The following SIPA1L1 variants were observed in gnomAD, a reference collection of about 807,000 sequenced individuals.
SIPA1L1 encodes signal induced proliferation associated 1 like 1, also known as signal-induced proliferation-associated 1-like protein 1.
In SIPA1L1, 26 loss-of-function variants were observed where a neutral mutation model predicts 162.7. The ratio of observed to expected loss-of-function variants is 0.16; its 90% CI spans 0.12 to 0.22. SIPA1L1 has a LOEUF of 0.22. Among genes scored for constraint, SIPA1L1 ranks in the 10% least tolerant of loss-of-function variants. SIPA1L1 has a pLI of 1.00. For synonymous variants in SIPA1L1, 829 were observed against 837.4 expected, an observed-to-expected ratio of 0.99 and a Z score of 0.17; for missense variants, 1,874 against 2,241.0, an observed-to-expected ratio of 0.84 and a Z score of 3.31.
At chr14:71,631,811 C>T (rs1238465694) in intron 7 of SIPA1L1, among the ~76,000 whole-genome samples, 2 of 152,094 alleles carry the variant, frequency 1.3e-5, no homozygotes, top group Non-Finnish European at 2.9e-5. Context: ...CATTTTCTAA[C>T]TGGCATTTTT....
intron 5 of SIPA1L1, among the ~76,000 whole-genome samples, chr14:71,599,535 T>A (rs1383602652): frequency 6.6e-6 from 1 of 151,922 alleles, no homozygotes; most frequent in African/African-American, 2.4e-5. Context: ...CATTCATTCA[T>A]TGATGGACAT....
At chr14:71,632,595 G>A (rs1333757735) in intron 7 of SIPA1L1, among the ~76,000 whole-genome samples, 1 of 152,206 alleles carries the variant, frequency 6.6e-6, no homozygotes, top group African/African-American at 2.4e-5. Flanking sequence ...CCCACTGTGT[G>A]GCATCAGAAG....
At chr14:71,640,570 G>A (rs1002334713) in intron 7 of SIPA1L1, among the ~76,000 whole-genome samples, 41 of 152,292 alleles carry the variant, frequency 2.7e-4, no homozygotes, top group African/African-American at 9.1e-4. Flanking sequence ...GTTACAAATT[G>A]AATTCAAGGC....
At chr14:71,537,499 C>G (rs1443408637) in intron 4 of SIPA1L1, among the ~76,000 whole-genome samples, 1 of 152,230 alleles carries the variant, frequency 6.6e-6, no homozygotes, top group Non-Finnish European at 1.5e-5. Context: ...GCCACCAATC[C>G]TGGCTAAGTT....
intron 2 of SIPA1L1, among the ~76,000 whole-genome samples, chr14:71,470,299 CAAA>C (rs2047351814): frequency 6.6e-6 from 1 of 152,132 alleles, no homozygotes; most frequent in Non-Finnish European, 1.5e-5. Flanking sequence ...AAGAAAGAAG[CAAA>C]GTTAGCAGCA....
intron 2 of SIPA1L1, among the ~76,000 whole-genome samples, chr14:71,384,091 A>C (rs2040127188): frequency 6.6e-6 from 1 of 152,106 alleles, no homozygotes; most frequent in African/African-American, 2.4e-5. Flanking sequence ...TTTCTCAGCC[A>C]GACTGCGAAT....
At chr14:71,526,351 T>A (rs927389794) in intron 3 of SIPA1L1, among the ~76,000 whole-genome samples, 35 of 152,192 alleles carry the variant, frequency 2.3e-4, no homozygotes, top group Non-Finnish European at 2.1e-4. Flanking sequence ...CCAGTCTGTA[T>A]TTTCCCCTAC....
At chr14:71,518,566 A>G (rs1430489635) in intron 3 of SIPA1L1, among the ~76,000 whole-genome samples, 1 of 152,162 alleles carries the variant, frequency 6.6e-6, no homozygotes, top group Non-Finnish European at 1.5e-5. Flanking sequence ...AACTTCACAT[A>G]TAGTCAGCTT....
chr14:71,704,960 G>A (rs1010707017), intron 15 of SIPA1L1: 14 of 627,634 alleles, frequency 2.2e-5, no homozygotes, highest in African/African-American at 1.8e-4. Flanking sequence ...TTGCTGCGTT[G>A]TTCATGGCCT....
intron 2 of SIPA1L1, among the ~76,000 whole-genome samples, chr14:71,344,639 A>C (rs571226868): frequency 9.2e-5 from 14 of 152,286 alleles, no homozygotes; most frequent in African/African-American, 3.4e-4. Flanking sequence ...GGCTCACTGC[A>C]ACCGCTGCCT....
rs535987031 is a variant in SIPA1L1, at chr14:71,676,839, G to T, written c.3104+4217G>T. 5.9e-5 allele frequency among the ~76,000 whole-genome samples: 9 copies of T among 152,148 alleles called. No homozygotes were observed. In the South Asian group the frequency reaches 1.7e-3, roughly 28 times the overall value. ...TTTTACGGCTGCATAGTATTCCATG[G>T]TGTACATGTGCCACATTTTCTTAAT... On this transcript the variant is annotated intron_variant, in intron 12 of 23. Coordinates refer to ENST00000381232, the MANE Select transcript of SIPA1L1 (RefSeq NM_001386936.1).
At chr14:71,629,640 T>G (rs1245822744) in intron 7 of SIPA1L1, among the ~76,000 whole-genome samples, 1 of 152,270 alleles carries the variant, frequency 6.6e-6, no homozygotes, top group East Asian at 1.9e-4. Context: ...TTGGTAGTTC[T>G]GTTTTCATTA....
At chr14:71,692,294 A>G (rs1358469062) in intron 13 of SIPA1L1, among the ~76,000 whole-genome samples, 1 of 152,244 alleles carries the variant, frequency 6.6e-6, no homozygotes, top group Non-Finnish European at 1.5e-5. Flanking sequence ...TTGTTGACTA[A>G]GTTTAGAATA....
rs80307687 is a variant in SIPA1L1 at position 71,740,045 on chromosome 14, G to A, written c.*884G>A. On this transcript the variant is annotated 3_prime_UTR_variant, in exon 24 of 24. Transcript: ENST00000381232. ...GAATGCATTTTGGTCAAAAGTATAC[G>A]TTTTAAAGATTTTTAAAGATAAAAA... The A allele has an allele frequency of 1.1e-4, 17 of 152,298 alleles. No homozygotes were observed. In the East Asian group the frequency reaches 1.7e-3, roughly 16 times the overall value. The allele number at this position is 152,298 out of a possible 1,614,324, so 9.4% of individuals were successfully genotyped here.
At chr14:71,604,701 C>T (rs1329673638) in intron 5 of SIPA1L1, among the ~76,000 whole-genome samples, 1 of 151,628 alleles carries the variant, frequency 6.6e-6, no homozygotes, top group African/African-American at 2.4e-5. Flanking sequence ...TTTTTTTCCC[C>T]AGCACTTCTA....
At chr14:71,713,288 A>G (rs1384748316) in intron 17 of SIPA1L1, among the ~76,000 whole-genome samples, 3 of 152,336 alleles carry the variant, frequency 2.0e-5, no homozygotes, top group South Asian at 2.1e-4. Flanking sequence ...TTAGAAAACC[A>G]CTAACTATTT....
chr14:71,704,764 C>T (rs775743674), intron 15 of SIPA1L1: 3 of 1,611,788 alleles, frequency 1.9e-6, no homozygotes, highest in South Asian at 2.2e-5. Context: ...CTTTTGTCCT[C>T]GAGCAGCATG....
chr14:71,465,969 A>G (rs1406266511), intron 2 of SIPA1L1, among the ~76,000 whole-genome samples: 1 of 152,248 alleles, frequency 6.6e-6, no homozygotes, highest in Non-Finnish European at 1.5e-5. Context: ...AGCTGATTAG[A>G]TTGTGCCCAC....
intron 4 of SIPA1L1, among the ~76,000 whole-genome samples, chr14:71,582,194 G>A (rs2147338964): frequency 6.6e-6 from 1 of 152,122 alleles, no homozygotes; most frequent in Non-Finnish European, 1.5e-5. Flanking sequence ...AATTAACCAA[G>A]CATGGTGAGG....
Sources: gnomAD v4.1 joint callset for allele counts (sites outside exome capture counted in the v4.1 genomes callset) on GRCh38, gnomAD v4.1.1 for gene constraint, MANE v1.5 for transcripts, NCBI Gene and HGNC (gene_info 2026-07-23, HGNC 2026-07-21) for gene names.